Variants in ZNF277 observed in about 807,000 individuals in gnomAD.
ZNF277 encodes the protein nuclear receptor-interacting factor 4.
Under a neutral mutation model 60.7 loss-of-function variants are expected in ZNF277, and 55 were observed. The observed-to-expected ratio is 0.91, with a 90% CI of 0.73 to 1.13. The LOEUF (loss-of-function observed/expected upper bound fraction) is 1.13, where lower values mean the gene tolerates loss of function less well. Among genes scored for constraint, ZNF277 ranks in the 50% most tolerant of loss-of-function variants. ZNF277 has a pLI of 0.00. For synonymous variants in ZNF277, 178 were observed against 179.3 expected (o/e 0.99, Z 0.06); for missense variants, 510 against 523.0 (o/e 0.98, Z 0.24).
intron 4 of ZNF277, among the ~76,000 whole-genome samples, chr7:112,305,841 C>T (rs748837315): frequency 2.0e-5 from 3 of 152,088 alleles, no homozygotes; most frequent in Non-Finnish European, 4.4e-5. Flanking sequence ...GGTCCAGTGT[C>T]TCCAGTGCTT....
intron 2 of ZNF277, chr7:112,288,355 A>G (rs1463163235): frequency 6.6e-6 from 1 of 152,212 alleles, no homozygotes; most frequent in African/African-American, 2.4e-5. Flanking sequence ...ATACCCCTGC[A>G]TCTAAACTCT....
chr7:112,213,165 A>T (rs1215268233), intron 1 of ZNF277, among the ~76,000 whole-genome samples: 1 of 152,180 alleles, frequency 6.6e-6, no homozygotes, highest in East Asian at 1.9e-4. Context: ...TGATGGTTTT[A>T]AAAAGAAGAG....
chr7:112,291,559 G>A (rs1239371057), intron 2 of ZNF277, among the ~76,000 whole-genome samples: 1 of 152,122 alleles, frequency 6.6e-6, no homozygotes, highest in African/African-American at 2.4e-5. Flanking sequence ...AACTAGAGAA[G>A]TAGGAAAAAT....
intron 1 of ZNF277, among the ~76,000 whole-genome samples, chr7:112,237,019 T>A (rs1299949619): frequency 6.6e-6 from 1 of 152,010 alleles, no homozygotes; most frequent in Non-Finnish European, 1.5e-5. Flanking sequence ...AAAATCAAGA[T>A]CACATCAAGT....
At chr7:112,336,265 G>A in intron 8 of ZNF277, 94 bp downstream of exon 8, 4 of 1,181,266 alleles carry the variant, frequency 3.4e-6, no homozygotes, top group Admixed American at 5.0e-5. Context: ...GGGAACATAA[G>A]AAGAAAAAAA....
chr7:112,244,621 A>G (rs545321633), intron 1 of ZNF277, among the ~76,000 whole-genome samples: 71 of 152,296 alleles, frequency 4.7e-4, no homozygotes, highest in African/African-American at 1.7e-3. Flanking sequence ...AAAAAGTTAG[A>G]TGTATTTTCC....
chr7:112,322,542 C>T (rs963538648), intron 5 of ZNF277, among the ~76,000 whole-genome samples: 1 of 151,974 alleles, frequency 6.6e-6, no homozygotes, highest in Admixed American at 6.6e-5. Context: ...TACTATTGGC[C>T]ACTCTGCCTA....
chr7:112,221,654 C>T (rs1374207553), intron 1 of ZNF277, among the ~76,000 whole-genome samples: 2 of 152,146 alleles, frequency 1.3e-5, no homozygotes, highest in Non-Finnish European at 2.9e-5. Context: ...GACCATCAGG[C>T]GTTAGATTCT....
At position 112,343,796 on chromosome 7, in the gene ZNF277, T is replaced by C. The variant is rs962047106; in HGVS notation, c.*1067T>C. ...CACAGATTAGCCAGGCATGGTGGAA[T>C]GCACCTATAGTCCCAGCTACTTGGG... On this transcript the variant is annotated 3_prime_UTR_variant, in exon 12 of 12. Coordinates refer to ENST00000361822, the MANE Select transcript of ZNF277 (RefSeq NM_021994.3). 3.9e-5 allele frequency among the ~76,000 whole-genome samples: 6 copies of C among 151,970 alleles called. No homozygotes were observed. The East Asian group carries it at 1.2e-3, about 30-fold the overall frequency.
intron 1 of ZNF277, among the ~76,000 whole-genome samples, chr7:112,259,180 G>A (rs1791388017): frequency 6.6e-6 from 1 of 151,904 alleles, no homozygotes; most frequent in Non-Finnish European, 1.5e-5. Flanking sequence ...CAGATGTTCT[G>A]ATTTTGTTTC....
intron 1 of ZNF277, among the ~76,000 whole-genome samples, chr7:112,216,637 C>T (rs1018994461): frequency 1.3e-4 from 20 of 152,276 alleles, no homozygotes; most frequent in African/African-American, 4.8e-4. Flanking sequence ...CATTAGCACT[C>T]CTGGTTAAGA....
chr7:112,332,273 C>G (rs924737880), intron 7 of ZNF277, among the ~76,000 whole-genome samples: 2 of 152,112 alleles, frequency 1.3e-5, no homozygotes, highest in Non-Finnish European at 2.9e-5. Flanking sequence ...AGGCACTATC[C>G]TAGGTATTTA....
At chr7:112,273,162 G>T (rs1230803081) in intron 1 of ZNF277, among the ~76,000 whole-genome samples, 2 of 152,170 alleles carry the variant, frequency 1.3e-5, no homozygotes, top group East Asian at 3.9e-4. Flanking sequence ...TTGTGGCTGA[G>T]TGCCTTTCAA....
chr7:112,340,162 A>T (rs1793415431), intron 10 of ZNF277, among the ~76,000 whole-genome samples: 2 of 152,178 alleles, frequency 1.3e-5, no homozygotes, highest in African/African-American at 4.8e-5. Context: ...CATAAATTGG[A>T]GGGGGCTAGT....
At chr7:112,327,977 G>A (rs1460953042) in intron 6 of ZNF277, 150 bp downstream of exon 6, 3 of 603,242 alleles carry the variant, frequency 5.0e-6, no homozygotes, top group Non-Finnish European at 8.4e-6. Context: ...TCCTTATTTT[G>A]TCTAGATCAT....
chr7:112,265,828 A>G (rs78390867), intron 1 of ZNF277, among the ~76,000 whole-genome samples: 1,920 of 152,300 alleles, frequency 0.013, 49 homozygotes, highest in African/African-American at 0.043. Flanking sequence ...GGGTTAGTCA[A>G]AATAATTTAG....
In ZNF277 at chr7:112,343,792, G is replaced by A. The variant is rs570052876; in HGVS notation, c.*1063G>A. Among the ~76,000 whole-genome samples the A allele has an allele frequency of 7.9e-5, 12 of 152,050 alleles. No homozygotes were observed. The highest frequency in any genetic ancestry group is 2.9e-4 in the African/African-American group (12 of 41,466). On this transcript the variant is annotated 3_prime_UTR_variant, in exon 12 of 12. Transcript: ENST00000361822. The stretch of plus-strand genomic sequence containing the variant: ...AATACACAGATTAGCCAGGCATGGT[G>A]GAATGCACCTATAGTCCCAGCTACT...
chr7:112,261,383 C>A (rs1022538455), intron 1 of ZNF277, among the ~76,000 whole-genome samples: 6 of 152,098 alleles, frequency 3.9e-5, no homozygotes, highest in African/African-American at 1.4e-4. Flanking sequence ...TTTGCTACAT[C>A]CCATAAATGC....
intron 4 of ZNF277, among the ~76,000 whole-genome samples, chr7:112,302,896 A>G (rs112813236): frequency 5.9e-5 from 9 of 151,942 alleles, no homozygotes; most frequent in Middle Eastern, 3.4e-3. Context: ...TTCTCTTTCT[A>G]ATTGCACCAG....
Sources: gnomAD v4.1 joint callset for allele counts (sites outside exome capture counted in the v4.1 genomes callset) on GRCh38, gnomAD v4.1.1 for gene constraint, MANE v1.5 for transcripts, NCBI Gene and HGNC (gene_info 2026-07-23, HGNC 2026-07-21) for gene names.